PCDH15: variants seen among roughly 807,000 people sequenced by gnomAD.
PCDH15 encodes protocadherin related 15, also known as protocadherin-15.
PCDH15 carries 129 observed loss-of-function variants against 178.5 expected under a neutral mutation model. The observed-to-expected ratio is 0.72, with a 90% CI of 0.63 to 0.84. The LOEUF is 0.84. Among genes scored for constraint, PCDH15 ranks in the 40% least tolerant of loss-of-function variants. The pLI is 0.00. For synonymous variants in PCDH15, 800 were observed against 732.0 expected (o/e 1.09, Z -1.50); for missense variants, 2,230 against 2,099.9 (o/e 1.06, Z -1.21).
intron 3 of PCDH15, among the ~76,000 whole-genome samples, chr10:54,822,804 CT>C (rs1353860536): frequency 6.6e-6 from 1 of 151,708 alleles, no homozygotes; most frequent in Non-Finnish European, 1.5e-5. Flanking sequence ...TGTTACTTGT[CT>C]TTTTGTTAAA....
intron 2 of PCDH15, among the ~76,000 whole-genome samples, chr10:54,561,664 C>T (rs961676539): frequency 1.4e-4 from 22 of 152,002 alleles, no homozygotes; most frequent in Admixed American, 6.6e-5. Flanking sequence ...TAATAAAGCA[C>T]TCCTAATTTA....
intron 1 of PCDH15, among the ~76,000 whole-genome samples, chr10:54,790,570 G>T (rs1416740047): frequency 1.3e-5 from 2 of 151,636 alleles, no homozygotes; most frequent in Non-Finnish European, 2.9e-5. Flanking sequence ...GTTGTCTGGG[G>T]TAACAAATCC....
chr10:53,852,459 G>A (rs2132956575), intron 28 of PCDH15, among the ~76,000 whole-genome samples: 1 of 151,908 alleles, frequency 6.6e-6, no homozygotes, highest in Non-Finnish European at 1.5e-5. Flanking sequence ...TAGGGGAATT[G>A]GTCAATTTTA....
At chr10:54,030,075 C>G (rs1481365447) in intron 18 of PCDH15, among the ~76,000 whole-genome samples, 1 of 152,052 alleles carries the variant, frequency 6.6e-6, no homozygotes, top group Non-Finnish European at 1.5e-5. Context: ...TGACAAAAAT[C>G]AGCCCCAAGG....
At chr10:54,057,030 A>C (rs12250681) in intron 18 of PCDH15, among the ~76,000 whole-genome samples, 1 of 152,068 alleles carries the variant, frequency 6.6e-6, no homozygotes, top group Non-Finnish European at 1.5e-5. Flanking sequence ...GCTGATGCTA[A>C]AGATGGGCTT....
intron 2 of PCDH15, among the ~76,000 whole-genome samples, chr10:55,377,146 T>TAAA (rs398054373): frequency 5.7e-5 from 6 of 105,330 alleles, no homozygotes; most frequent in East Asian, 5.0e-4. Context: ...CTTTCTTCAC[T>TAAA]AAAAAAAAAA....
chr10:54,219,089 T>TAAAAAAAAA (rs746481539), intron 9 of PCDH15, among the ~76,000 whole-genome samples: 1 of 100,100 alleles, frequency 1.0e-5, no homozygotes, highest in Admixed American at 1.1e-4. Context: ...CTGTCTCTAC[T>TAAAAAAAAA]AAAAAAAAAA....
chr10:54,721,252 G>A (rs1482011660), intron 1 of PCDH15, among the ~76,000 whole-genome samples: 2 of 151,786 alleles, frequency 1.3e-5, no homozygotes, highest in Non-Finnish European at 2.9e-5. Flanking sequence ...TAAAGGCAAA[G>A]TTTATAGTGT....
intron 13 of PCDH15, among the ~76,000 whole-genome samples, chr10:54,176,137 G>A (rs1463167169): frequency 6.6e-6 from 1 of 152,122 alleles, no homozygotes; most frequent in Non-Finnish European, 1.5e-5. Context: ...TAAACTCATT[G>A]AGGGTACATT....
intron 2 of PCDH15, among the ~76,000 whole-genome samples, chr10:55,595,672 T>C (rs1331918459): frequency 6.6e-6 from 1 of 152,108 alleles, no homozygotes; most frequent in Non-Finnish European, 1.5e-5. Context: ...GTCACGGCAA[T>C]TTTTTCTGAC....
chr10:54,135,164 T>C (rs906353499), intron 14 of PCDH15, among the ~76,000 whole-genome samples: 2 of 149,458 alleles, frequency 1.3e-5, no homozygotes, highest in African/African-American at 2.5e-5. Flanking sequence ...GATCGTGCCA[T>C]TGCACTCCAG....
chr10:54,531,985 C>T (rs2083976046), intron 2 of PCDH15, among the ~76,000 whole-genome samples: 1 of 152,058 alleles, frequency 6.6e-6, no homozygotes, highest in Non-Finnish European at 1.5e-5. Context: ...TCTAGCTTTC[C>T]AAAATGTACC....
At chr10:54,278,918 A>T (rs116465555) in intron 8 of PCDH15, among the ~76,000 whole-genome samples, 1,618 of 151,650 alleles carry the variant, frequency 0.011, 36 homozygotes, top group African/African-American at 0.037. Context: ...AACCTACCGC[A>T]TCCTTAGTTT....
intron 2 of PCDH15, among the ~76,000 whole-genome samples, chr10:54,966,655 G>A (rs779803525): frequency 6.6e-6 from 1 of 151,964 alleles, no homozygotes; most frequent in Non-Finnish European, 1.5e-5. Context: ...TGAATCATGG[G>A]GGCAGTTTCT....
At chr10:54,938,265 T>C (rs1036988696) in intron 2 of PCDH15, among the ~76,000 whole-genome samples, 2 of 148,088 alleles carry the variant, frequency 1.4e-5, no homozygotes, top group Non-Finnish European at 3.0e-5. Flanking sequence ...ACTTTATAGT[T>C]TTACTTACTC....
At chr10:54,302,774 C>T (rs1235879855) in intron 8 of PCDH15, among the ~76,000 whole-genome samples, 1 of 152,112 alleles carries the variant, frequency 6.6e-6, no homozygotes, top group African/African-American at 2.4e-5. Flanking sequence ...GTAGGTCGCT[C>T]CTCCTTTGAC....
chr10:53,864,196 T>C (rs2079291818), intron 27 of PCDH15, among the ~76,000 whole-genome samples: 1 of 151,980 alleles, frequency 6.6e-6, no homozygotes, highest in Admixed American at 6.6e-5. Context: ...TAAAGCTAAA[T>C]CAAAGGGAAA....
intron 2 of PCDH15, among the ~76,000 whole-genome samples, chr10:55,408,176 C>A (rs1443971276): frequency 7.0e-6 from 1 of 142,356 alleles, no homozygotes; most frequent in Non-Finnish European, 1.5e-5. Context: ...AATAAAATAA[C>A]CTTGATTCTT....
At chr10:54,433,437 T>C (rs1274401868) in intron 3 of PCDH15, among the ~76,000 whole-genome samples, 1 of 152,174 alleles carries the variant, frequency 6.6e-6, no homozygotes, top group African/African-American at 2.4e-5. Flanking sequence ...GAGCTCATTA[T>C]GCTAAGTGAA....
Sources: gnomAD v4.1 joint callset for allele counts (sites outside exome capture counted in the v4.1 genomes callset) on GRCh38, gnomAD v4.1.1 for gene constraint, MANE v1.5 for transcripts, NCBI Gene and HGNC (gene_info 2026-07-23, HGNC 2026-07-21) for gene names.